Variants in RABEP1 observed in about 807,000 individuals in gnomAD.
The protein encoded by RABEP1 is rab GTPase-binding effector protein 1.
In RABEP1, 51 loss-of-function variants were observed where a neutral mutation model predicts 123.4. The observed-to-expected ratio is 0.41, with a 90% CI of 0.33 to 0.52. The LOEUF is 0.52. Among genes scored for constraint, RABEP1 ranks in the 20% least tolerant of loss-of-function variants. The pLI is 0.16. For missense variants in RABEP1, 888 were observed against 996.3 expected (o/e 0.89, Z 1.46); for synonymous variants, 347 against 355.2 (o/e 0.98, Z 0.26).
chr17:5,293,573 A>T (rs918920354), intron 1 of RABEP1, among the ~76,000 whole-genome samples: 1 of 151,918 alleles, frequency 6.6e-6, no homozygotes, highest in African/African-American at 2.4e-5. Context: ...TGCCTAGGTA[A>T]TTTTTGTATT....
intron 2 of RABEP1, among the ~76,000 whole-genome samples, chr17:5,316,908 T>C (rs77051371): frequency 6.6e-6 from 1 of 151,526 alleles, no homozygotes; most frequent in African/African-American, 2.4e-5. Context: ...AATTTTTTTT[T>C]AATGTTTATC....
chr17:5,337,927 G>T, intron 4 of RABEP1, 92 bp from the exon 5 acceptor site: 1 of 1,380,974 alleles, frequency 7.2e-7, no homozygotes, highest in Admixed American at 2.5e-5. Context: ...CAAGTTACTT[G>T]TTATAATAAT....
intron 1 of RABEP1, among the ~76,000 whole-genome samples, chr17:5,285,532 G>A (rs1248205640): frequency 6.6e-6 from 1 of 152,100 alleles, no homozygotes; most frequent in East Asian, 1.9e-4. Context: ...TGAAGGACAT[G>A]CTTTACATAC....
chr17:5,294,633 CTTTTT>C (rs1185209680), intron 1 of RABEP1, among the ~76,000 whole-genome samples: 166 of 52,974 alleles, frequency 3.1e-3, no homozygotes, highest in East Asian at 0.013. Flanking sequence ...ACGGTATTGT[CTTTTT>C]TTTTTTTTTT....
At chr17:5,288,969 G>A (rs545313097) in intron 1 of RABEP1, among the ~76,000 whole-genome samples, 1 of 152,290 alleles carries the variant, frequency 6.6e-6, no homozygotes, top group Admixed American at 6.5e-5. Context: ...GCCTCCCAAA[G>A]TGCTGGGATT....
intron 1 of RABEP1, among the ~76,000 whole-genome samples, chr17:5,293,654 G>A (rs1362510780): frequency 6.6e-6 from 1 of 152,120 alleles, no homozygotes; most frequent in Non-Finnish European, 1.5e-5. Context: ...GGATCCACCT[G>A]CCTCAGTTTC....
At chr17:5,380,532 G>GA (rs757270585) in intron 16 of RABEP1, 70 bp downstream of exon 16, 1,258 of 1,245,908 alleles carry the variant, frequency 1.0e-3, no homozygotes, top group Non-Finnish European at 1.2e-3. Flanking sequence ...CTTGCTTGTT[G>GA]AAAAAAAAAT....
intron 2 of RABEP1, among the ~76,000 whole-genome samples, chr17:5,322,288 T>A (rs1194024660): frequency 6.6e-6 from 1 of 151,736 alleles, no homozygotes; most frequent in Non-Finnish European, 1.5e-5. Flanking sequence ...AGCCCAGGAG[T>A]TTGAGGTTGC....
chr17:5,332,596 ATTT>A (rs553120401), intron 3 of RABEP1, among the ~76,000 whole-genome samples: 5 of 105,904 alleles, frequency 4.7e-5, no homozygotes, highest in South Asian at 2.9e-4. Flanking sequence ...ACGTTTTAGA[ATTT>A]TTTTTTTTTT....
chr17:5,365,523 G>A (rs1027831834), intron 11 of RABEP1, among the ~76,000 whole-genome samples: 1 of 151,644 alleles, frequency 6.6e-6, no homozygotes, highest in Non-Finnish European at 1.5e-5. Context: ...TGCTGACAAA[G>A]ATACTAATTA....
chr17:5,316,857 T>C lies in RABEP1; in HGVS notation c.163+8035T>C, dbSNP rs1446990281. 5.2e-4 allele frequency among the ~76,000 whole-genome samples: 56 copies of C among 108,054 alleles called. 1 individual carries two copies. The South Asian group carries it at 0.016, about 30-fold the overall frequency. 70.9% of individuals were successfully genotyped at this position (108,054 alleles called of 152,430 possible). A position where few individuals can be genotyped will look rare whatever the true frequency, so the allele number is the denominator to read the frequency against. ...CAAAAAAAAAAAAAAAAAAAAAAAATATAAGAAACAATACAAAATACAGAA... is the reference window on the plus strand; with the variant it reads ...CAAAAAAAAAAAAAAAAAAAAAAAACATAAGAAACAATACAAAATACAGAA... On this transcript the variant is annotated intron_variant, in intron 2 of 17. Coordinates refer to ENST00000537505, the MANE Select transcript of RABEP1 (RefSeq NM_004703.6).
intron 1 of RABEP1, among the ~76,000 whole-genome samples, chr17:5,305,217 T>TTG (rs1555622601): frequency 6.6e-6 from 1 of 152,112 alleles, no homozygotes; most frequent in African/African-American, 2.4e-5. Flanking sequence ...CAGTTTTTTT[T>TTG]GTCTTTCTAT....
intron 6 of RABEP1, among the ~76,000 whole-genome samples, chr17:5,347,197 G>T (rs1019094181): frequency 2.0e-5 from 3 of 152,112 alleles, no homozygotes; most frequent in African/African-American, 7.2e-5. Context: ...ATCACCTAAG[G>T]TCAGGAGTTT....
At chr17:5,317,953 A>G (rs1405486695) in intron 2 of RABEP1, among the ~76,000 whole-genome samples, 1 of 152,198 alleles carries the variant, frequency 6.6e-6, no homozygotes, top group African/African-American at 2.4e-5. Context: ...ATAACTGAAG[A>G]TGTGAAGGTT....
intron 2 of RABEP1, among the ~76,000 whole-genome samples, chr17:5,322,194 C>G (rs987470148): frequency 1.3e-5 from 2 of 151,724 alleles, no homozygotes; most frequent in African/African-American, 4.8e-5. Flanking sequence ...AAGTGAAACT[C>G]CATCTCAAAA....
At chr17:5,354,727 T>G (rs1218104417) in intron 8 of RABEP1, among the ~76,000 whole-genome samples, 2 of 152,220 alleles carry the variant, frequency 1.3e-5, no homozygotes, top group African/African-American at 4.8e-5. Flanking sequence ...TTCCAGTATT[T>G]CCAAAATTTA....
intron 6 of RABEP1, among the ~76,000 whole-genome samples, chr17:5,348,375 C>T (rs543263252): frequency 2.2e-4 from 33 of 152,250 alleles, no homozygotes; most frequent in African/African-American, 7.5e-4. Context: ...CATTCAAGGC[C>T]ATTTGCATGT....
In RABEP1 at chr17:5,365,154, T is replaced by C. The variant is rs1157167279; in HGVS notation, c.1701T>C (p.Ala567=). The C allele has an allele frequency of 6.2e-7, 1 of 1,610,478 alleles. No individual in the cohort carries two copies. The highest frequency in any genetic ancestry group is 8.5e-7 in the Non-Finnish European group (1 of 1,178,766). ...VKKLQLMLRQ[A]NDQLEKTMKD... is the part of the protein sequence containing the mutation. ...AACTACAGCTGATGCTAAGGCAAGC[T>C]AATGACCAGTTAGAGAAGACAATGA... The change falls in exon 11 of 18, where the codon GCT becomes GCC. Residue 567 remains alanine, a synonymous_variant. Transcript: ENST00000537505.
At chr17:5,361,964 T>C (rs1227578933) in intron 9 of RABEP1, 3 of 317,992 alleles carry the variant, frequency 9.4e-6, no homozygotes, top group Non-Finnish European at 1.7e-5. Context: ...CATTGCGGAA[T>C]TTAAGTTAGA....
Sources: gnomAD v4.1 joint callset for allele counts (sites outside exome capture counted in the v4.1 genomes callset) on GRCh38, gnomAD v4.1.1 for gene constraint, MANE v1.5 for transcripts, NCBI Gene and HGNC (gene_info 2026-07-23, HGNC 2026-07-21) for gene names.